Variants in SVIL observed in about 807,000 individuals in gnomAD.
SVIL encodes archvillin.
SVIL carries 101 observed loss-of-function variants against 240.4 expected under a neutral mutation model. The ratio of observed to expected loss-of-function variants is 0.42; its 90% CI spans 0.36 to 0.50. SVIL has a LOEUF of 0.50. Ranked by LOEUF, SVIL falls within the 20% of genes least tolerant of loss-of-function variation. The pLI is 0.01. For synonymous variants in SVIL, 999 were observed against 1,100.0 expected (o/e 0.91, Z 1.82); for missense variants, 2,512 against 2,818.7 (o/e 0.89, Z 2.46).
At chr10:29,496,454 A>C (rs763036157) in intron 18 of SVIL, 15 of 454,088 alleles carry the variant, frequency 3.3e-5, no homozygotes, top group Admixed American at 9.5e-5. Context: ...GAGGCCGTTA[A>C]CTCCGCAGCT....
intron 3 of SVIL, among the ~76,000 whole-genome samples, chr10:29,651,862 C>A (rs1234432941): frequency 2.6e-5 from 4 of 152,044 alleles, no homozygotes. Context: ...CAAAAAGAAA[C>A]CCTCCTAATC....
chr10:29,637,328 T>A (rs1489153844), upstream of SVIL, among the ~76,000 whole-genome samples: 1 of 151,724 alleles, frequency 6.6e-6, no homozygotes, highest in Non-Finnish European at 1.5e-5. Context: ...CTATCAAAAA[T>A]ACAGAAAAAT....
At chr10:29,586,727 T>C (rs939764669) in intron 1 of SVIL, among the ~76,000 whole-genome samples, 5 of 152,154 alleles carry the variant, frequency 3.3e-5, no homozygotes, top group Non-Finnish European at 7.4e-5. Context: ...AGAACGAAAC[T>C]ATGTCCTCTG....
intron 6 of SVIL, among the ~76,000 whole-genome samples, chr10:29,536,596 A>G (rs1305743221): frequency 1.3e-5 from 2 of 152,172 alleles, no homozygotes; most frequent in Admixed American, 6.5e-5. Flanking sequence ...TGTTTTCCCA[A>G]GTAATTTTAA....
intron 30 of SVIL, 55 bp from the exon 31 acceptor site, chr10:29,471,298 AAAAAC>A: frequency 7.3e-7 from 1 of 1,372,446 alleles, no homozygotes; most frequent in Non-Finnish European, 1.0e-6. Flanking sequence ...TCAAAGTCCT[AAAAAC>A]AATACATGCC....
Position 29,711,716 on chromosome 10 carries a change from C to T in SVIL, c.-400+24035G>A, listed in dbSNP as rs1392440112. The stretch of plus-strand genomic sequence containing the variant: ...TAGAGGTTGCAGTGAGCCGAGATCA[C>T]GCCATTACACTCCAGCCTGGGTGAC... On this transcript the variant is annotated intron_variant, in intron 1 of 35. Coordinates refer to the SVIL transcript ENST00000375400. Among the ~76,000 whole-genome samples, 16 of 149,306 alleles carry T rather than the reference C, an allele frequency of 1.1e-4. No individual in the cohort carries two copies. In the South Asian group the frequency reaches 2.6e-3, roughly 24 times the overall value.
chr10:29,606,546 T>C (rs894668328), intron 1 of SVIL, among the ~76,000 whole-genome samples: 1 of 152,210 alleles, frequency 6.6e-6, no homozygotes, highest in South Asian at 2.1e-4. Context: ...TTTACCTCTA[T>C]ATACTTCAAT....
intron 1 of SVIL, among the ~76,000 whole-genome samples, chr10:29,592,243 CTCTT>C (rs896779746): frequency 5.3e-5 from 8 of 152,192 alleles, no homozygotes; most frequent in African/African-American, 1.9e-4. Context: ...CAGAGTGAGA[CTCTT>C]TCTCAAAAAT....
chr10:29,551,142 G>T lies in SVIL; in HGVS notation c.282C>A (p.Asp94Glu), dbSNP rs1352086962. 1.2e-6 allele frequency: 2 copies of T among 1,614,166 alleles called. No homozygotes were observed. The highest frequency in any genetic ancestry group is 3.3e-5 in the Admixed American group (2 of 60,012). Residue 94 changes from aspartate to glutamate, a missense_variant, in exon 6 of 38, where the codon GAC becomes GAA. Transcript: ENST00000355867. ...GDSPYGSGTM[D>E]THSLESKAER... ...CGGCTTTGGACTCCAGACTGTGGGT[G>T]TCCATGGTACCCGAACCATAGGGTG...
chr10:29,550,084 C>T (rs1589217292), intron 6 of SVIL, among the ~76,000 whole-genome samples: 1 of 128,714 alleles, frequency 7.8e-6, no homozygotes, highest in Admixed American at 7.4e-5. Flanking sequence ...AAGAAACGCA[C>T]AAAGAAAAAG....
intron 1 of SVIL, among the ~76,000 whole-genome samples, chr10:29,606,873 G>A (rs1212070196): frequency 6.6e-6 from 1 of 152,148 alleles, no homozygotes; most frequent in African/African-American, 2.4e-5. Context: ...TCCTGCCTCA[G>A]CCTCCCAAGC....
At chr10:29,724,773 G>A in intron 1 of SVIL, among the ~76,000 whole-genome samples, 1 of 152,058 alleles carries the variant, frequency 6.6e-6, no homozygotes, top group East Asian at 1.9e-4. Flanking sequence ...TGTAATCCCG[G>A]CACTTTGGGA....
chr10:29,527,123 G>T, intron 12 of SVIL, 67 bp from the exon 13 acceptor site: 3 of 1,374,450 alleles, frequency 2.2e-6, no homozygotes, highest in Admixed American at 2.1e-5. Flanking sequence ...ATTAAGGACA[G>T]CATAGTTTTA....
At chr10:29,692,925 C>T (rs189520453) in intron 1 of SVIL, among the ~76,000 whole-genome samples, 81 of 152,272 alleles carry the variant, frequency 5.3e-4, no homozygotes, top group Non-Finnish European at 1.3e-4. Flanking sequence ...TGGTCACTGA[C>T]GCTGACATAG....
At chr10:29,597,547 C>T (rs1956643799) in intron 1 of SVIL, among the ~76,000 whole-genome samples, 1 of 151,996 alleles carries the variant, frequency 6.6e-6, no homozygotes, top group Non-Finnish European at 1.5e-5. Context: ...TTACAGGTGC[C>T]CACCACCACG....
intron 1 of SVIL, among the ~76,000 whole-genome samples, chr10:29,634,193 T>TAAA (rs60844786): frequency 7.2e-6 from 1 of 139,692 alleles, no homozygotes; most frequent in Non-Finnish European, 1.6e-5. Flanking sequence ...GTAAATCCTT[T>TAAA]AAAAAAAAAA....
intron 33 of SVIL, chr10:29,467,268 G>C (rs1469787159): frequency 6.4e-6 from 1 of 157,184 alleles, no homozygotes; most frequent in Non-Finnish European, 1.4e-5. Flanking sequence ...CTGGAAAGGG[G>C]ATAAGAGGCC....
chr10:29,576,284 A>T (rs1372189076), intron 1 of SVIL, among the ~76,000 whole-genome samples: 1 of 152,130 alleles, frequency 6.6e-6, no homozygotes, highest in Non-Finnish European at 1.5e-5. Flanking sequence ...ACTTGATGGG[A>T]TCTGCAAGAG....
rs1333037707 is a variant in SVIL at position 29,554,885 on chromosome 10, G to T, written c.58C>A (p.Pro20Thr). ...CCTGTGCAGCTCTGCAAGAGGATGG[G>T]CTGAGTGTCATTTTCAATCCCTTCC... Reference protein sequence around the residue: ...RLEGIENDTQPILLQSCTGLV... With the variant: ...RLEGIENDTQTILLQSCTGLV... The change falls in exon 5 of 38, where the codon CCC (proline) becomes ACC (threonine). Residue 20 changes from proline (P) to threonine (T), a missense_variant. Physicochemically the swap from Pro to Thr is conservative, Grantham distance 38 (BLOSUM62 -1). Coordinates refer to ENST00000355867, the MANE Select transcript of SVIL (RefSeq NM_021738.3). The T allele has an allele frequency of 6.2e-7, 1 of 1,613,684 alleles. No individual in the cohort carries two copies. The highest frequency in any genetic ancestry group is 1.3e-5 in the African/African-American group (1 of 75,014).
Sources: gnomAD v4.1 joint callset for allele counts (sites outside exome capture counted in the v4.1 genomes callset) on GRCh38, gnomAD v4.1.1 for gene constraint, MANE v1.5 for transcripts, NCBI Gene and HGNC (gene_info 2026-07-23, HGNC 2026-07-21) for gene names.